Variants in MSLN observed in about 807,000 individuals in gnomAD.
MSLN encodes the protein mesothelin.
A neutral mutation model predicts 72.6 loss-of-function variants in MSLN; 82 were observed. The observed-to-expected ratio is 1.13, with a 90% CI of 0.94 to 1.36. The LOEUF is 1.36. Among genes scored for constraint, MSLN ranks in the 40% most tolerant of loss-of-function variants. MSLN has a pLI of 0.00. For synonymous variants in MSLN, 456 were observed against 387.3 expected (o/e 1.18, Z -2.08); for missense variants, 1,005 against 847.9 (o/e 1.19, Z -2.30).
rs371328406 is a variant in MSLN, at chr16:767,404, G to A, written c.1530G>A (p.Ala510=). The A allele has an allele frequency of 9.3e-6, 15 of 1,609,968 alleles. No individual in the cohort carries two copies. The highest frequency in any genetic ancestry group is 1.3e-5 in the African/African-American group (1 of 74,188). Residue 510 remains alanine (A), a synonymous_variant, in exon 16 of 18, where the codon GCG becomes GCA. Coordinates refer to ENST00000545450, the MANE Select transcript of MSLN (RefSeq NM_005823.6). ...GGGCCCCCACGGAGGATTTGAAGGC[G>A]CTCAGTCAGCAGAATGTGAGCATGG... is the stretch of plus-strand genomic sequence containing the variant. ...LGGAPTEDLK[A]LSQQNVSMDL...
Position 764,877 on chromosome 16 carries a change from C to T in MSLN, c.381-30C>T, listed in dbSNP as rs375538221. ...AGGGTGGGGACGGGTGTGATCAGTG[C>T]GGCCTGTCCCCAGCACCCTCTCTTC... On this transcript the variant is annotated intron_variant, in intron 7 of 17. Coordinates refer to ENST00000545450, the MANE Select transcript of MSLN (RefSeq NM_005823.6). 3.5e-5 allele frequency: 56 copies of T among 1,606,386 alleles called. 1 individual carries two copies. In the South Asian group the frequency reaches 3.7e-4, roughly 11 times the overall value.
At chr16:762,583 C>G in intron 2 of MSLN, 89 bp from the exon 3 acceptor site, 1 of 990,772 alleles carries the variant, frequency 1.0e-6, no homozygotes, top group Non-Finnish European at 1.6e-6. Flanking sequence ...CTGGGAGCCC[C>G]TCCTGGGCCC....
At chr16:763,731 G>T in intron 5 of MSLN, 40 bp downstream of exon 5, 2 of 974,534 alleles carry the variant, frequency 2.1e-6, no homozygotes. Context: ...GGTGAGGCTC[G>T]AGGGGCCCTC....
rs145273478 is a variant in MSLN at position 768,482 on chromosome 16, G to A, written c.1700G>A (p.Arg567Gln). The A allele has an allele frequency of 3.7e-3, 5,897 of 1,574,344 alleles. 21 individuals carry two copies. The highest frequency in any genetic ancestry group is 4.3e-3 in the Non-Finnish European group (4,944 of 1,157,480). Residue 567 changes from arginine (R) to glutamine (Q), a missense_variant, in exon 17 of 18, where the codon CGG becomes CAG. Physicochemically the swap from Arg to Gln is conservative, Grantham distance 43. Transcript: ENST00000545450. Reference sequence around the variant, plus strand: ...GTGCGGGACTGGATCCTACGGCAGCGGCAGGACGACCTGGACACGCTGGGG... The same window carrying A: ...GTGCGGGACTGGATCCTACGGCAGCAGCAGGACGACCTGGACACGCTGGGG... ...RPVRDWILRQ[R>Q]QDDLDTLGLG...
In MSLN at chr16:763,411, T is replaced by C. The variant is rs2041561435; in HGVS notation, c.129+135T>C. ...TTGCTTGCAAAGGGGCACCTGGACCTGCATGTGACTGGCCTGGGAGCAGCC... is the reference window on the plus strand; with the variant it reads ...TTGCTTGCAAAGGGGCACCTGGACCCGCATGTGACTGGCCTGGGAGCAGCC... On this transcript the variant is annotated intron_variant, in intron 4 of 17. Coordinates refer to ENST00000545450, the MANE Select transcript of MSLN (RefSeq NM_005823.6). 1.1e-5 allele frequency: 10 copies of C among 879,728 alleles called. No homozygotes were observed. In the South Asian group the frequency reaches 1.6e-4, roughly 14 times the overall value. The allele number at this position is 879,728 out of a possible 1,614,324, so 54.5% of individuals were successfully genotyped here.
At position 767,445 on chromosome 16, in the gene MSLN, T is replaced by C. The variant is rs754258311; in HGVS notation, c.1571T>C (p.Met524Thr). ...GTGAGCATGGACTTGGCCACGTTCA[T>C]GAAGCTGCGGACGGATGCGGTGCTG... ...QNVSMDLATF[M>T]KLRTDAVLPL... The change falls in exon 16 of 18, where the codon ATG becomes ACG. Residue 524 changes from methionine to threonine, a missense_variant. By Grantham distance (81) the Met-to-Thr change is moderately conservative. Coordinates refer to ENST00000545450, the MANE Select transcript of MSLN (RefSeq NM_005823.6). The C allele has an allele frequency of 4.5e-6, 7 of 1,555,916 alleles. No homozygotes were observed. Among genetic ancestry groups the C allele is most frequent in the South Asian group, 4.5e-5 (4 of 89,512 alleles).
At position 765,048 on chromosome 16, in the gene MSLN, G is replaced by A; in HGVS notation, c.510+12G>A. ...CTCTGGCCTGCTGGGTAGGGGCTGG[G>A]GCCAGCGCGGGGCGGAGAGGGCTCG... On this transcript the variant is annotated intron_variant, in intron 8 of 17. Transcript: ENST00000545450. 6.2e-7 allele frequency: 1 copy of A among 1,610,534 alleles called. No individual in the cohort carries two copies. The highest frequency in any genetic ancestry group is 1.1e-5 in the South Asian group (1 of 90,882).
Position 765,410 on chromosome 16 carries a change from C to T in MSLN, c.704+107C>T, listed in dbSNP as rs576199034. The T allele has an allele frequency of 7.8e-6, 11 of 1,415,318 alleles. No individual in the cohort carries two copies. In the South Asian group the frequency reaches 1.1e-4, roughly 14 times the overall value. 87.7% of individuals were successfully genotyped at this position (1,415,318 alleles called of 1,614,324 possible). ...AAGGCCCAGGGTCAGTCACCCCCGC[C>T]ACCACCCCTGCCAATGCCCCCAGCG... On this transcript the variant is annotated intron_variant, in intron 9 of 17. Transcript: ENST00000545450.
intron 15 of MSLN, 52 bp downstream of exon 15, chr16:767,064 G>A (rs2041625009): frequency 1.9e-6 from 3 of 1,609,164 alleles, no homozygotes; most frequent in Non-Finnish European, 2.5e-6. Flanking sequence ...GGGAAGCACA[G>A]ACTCCACTCG....
Position 762,426 on chromosome 16 carries a change from C to T in MSLN, c.-9-246C>T, listed in dbSNP as rs960071556. Reference sequence around the variant, plus strand: ...TGGGAGAGGGGTGGGCGCCAACTGACTCCTGGGCTGTCTGGGCTGGGGACC... The same window carrying T: ...TGGGAGAGGGGTGGGCGCCAACTGATTCCTGGGCTGTCTGGGCTGGGGACC... On this transcript the variant is annotated intron_variant, in intron 2 of 17. Coordinates refer to ENST00000545450, the MANE Select transcript of MSLN (RefSeq NM_005823.6). 22 of 533,124 alleles carry T rather than the reference C, an allele frequency of 4.1e-5. No homozygotes were observed. In the African/African-American group the frequency reaches 4.2e-4, roughly 10 times the overall value. The allele number at this position is 533,124 out of a possible 1,614,324, so 33.0% of individuals were successfully genotyped here. A position where few individuals can be genotyped will look rare whatever the true frequency, so the allele number is the denominator to read the frequency against.
At position 764,578 on chromosome 16, in the gene MSLN, C is replaced by G; in HGVS notation, c.301-69C>G. 2.2e-6 allele frequency: 3 copies of G among 1,344,432 alleles called. No homozygotes were observed. In the South Asian group the frequency reaches 3.5e-5, roughly 16 times the overall value. The allele number at this position is 1,344,432 out of a possible 1,614,324, so 83.3% of individuals were successfully genotyped here. A position where few individuals can be genotyped will look rare whatever the true frequency, so the allele number is the denominator to read the frequency against. ...GGTGTGTTGTGGTGGGCAGACTGGCCAGGCGACCCTGGCCCACCATGTGAG... is the reference window on the plus strand; with the variant it reads ...GGTGTGTTGTGGTGGGCAGACTGGCGAGGCGACCCTGGCCCACCATGTGAG... On this transcript the variant is annotated intron_variant, in intron 6 of 17. Transcript: ENST00000545450.
intron 16 of MSLN, 38 bp downstream of exon 16, chr16:767,508 CCCGTGGAGGAGGG>C: frequency 7.2e-7 from 1 of 1,391,176 alleles, no homozygotes. Flanking sequence ...GGAGGAGGGG[CCCGTGGAGGAGGG>C]GCGAGTGGGA....
In MSLN at chr16:763,058, G is replaced by C. The variant is rs537311023; in HGVS notation, c.86-175G>C. ...GCTCCCTGGTGGAGTCCCGACCCCT[G>C]TGCCTGGGGGACTGTGATGTCACGG... On this transcript the variant is annotated intron_variant, in intron 3 of 17. Transcript: ENST00000545450. Among the ~76,000 whole-genome samples, 4 of 152,270 alleles carry C rather than the reference G, an allele frequency of 2.6e-5. No individual in the cohort carries two copies. The East Asian group carries it at 7.7e-4, about 29-fold the overall frequency.
chr16:762,380 GC>G (rs977664978), intron 2 of MSLN: 1 of 438,406 alleles, frequency 2.3e-6, no homozygotes, highest in African/African-American at 2.1e-5. Context: ...TCTAAGCTCT[GC>G]TCACACTGCC....
Position 764,941 on chromosome 16 carries a change from C to T in MSLN, c.415C>T (p.Arg139Cys), listed in dbSNP as rs374476167. 3.0e-5 allele frequency: 48 copies of T among 1,612,214 alleles called. 1 individual carries two copies. The highest frequency in any genetic ancestry group is 3.3e-4 in the Middle Eastern group (2 of 6,082). ...GTTCTCGGGGCCCCAGGCCTGCACC[C>T]GTTTCTTCTCCCGCATCACGAAGGC... ...DAFSGPQACT[R>C]FFSRITKANV... Residue 139 changes from arginine to cysteine, a missense_variant, in exon 8 of 18, where the codon CGT (arginine) becomes TGT (cysteine). Coordinates refer to ENST00000545450, the MANE Select transcript of MSLN (RefSeq NM_005823.6).
At chr16:767,254 GCC>G in intron 15 of MSLN, 120 bp from the exon 16 acceptor site, 2 of 1,140,482 alleles carry the variant, frequency 1.8e-6, no homozygotes. Context: ...GCAAACCCAG[GCC>G]CTGGAATCCC....
chr16:768,347 C>T (rs1368019404), intron 16 of MSLN, 32 bp from the exon 17 acceptor site: 2 of 1,497,136 alleles, frequency 1.3e-6, no homozygotes, highest in Non-Finnish European at 1.8e-6. Flanking sequence ...GGAAGGAGAC[C>T]CTCCTTGATG....
rs375321372 is a variant in MSLN, at chr16:762,764, C to T, written c.84C>T (p.Leu28=). The T allele has an allele frequency of 8.1e-5, 128 of 1,585,892 alleles. No homozygotes were observed. Among genetic ancestry groups the T allele is most frequent in the East Asian group, 1.6e-4 (7 of 44,322 alleles). Residue 28 remains leucine (L), a splice_region_variant and synonymous_variant, in exon 3 of 18, where the codon CTC becomes CTT. Transcript: ENST00000545450. ...LGSLLFLLFS[L]GWVQPSRTLA... is the part of the protein sequence containing the mutation. Reference sequence around the variant, plus strand: ...GCCTCCTGTTCCTGCTCTTCAGCCTCGGTGCGTACTTGATGGGGCTGCTGG... The same window carrying T: ...GCCTCCTGTTCCTGCTCTTCAGCCTTGGTGCGTACTTGATGGGGCTGCTGG...
chr16:763,175 T>A, intron 3 of MSLN, 58 bp from the exon 4 acceptor site: 1 of 1,192,722 alleles, frequency 8.4e-7, no homozygotes, highest in African/African-American at 1.5e-5. Context: ...CTCCCCTGGG[T>A]CAGGGCACAG....
Sources: gnomAD v4.1 joint callset for allele counts (sites outside exome capture counted in the v4.1 genomes callset) on GRCh38, gnomAD v4.1.1 for gene constraint, MANE v1.5 for transcripts, NCBI Gene and HGNC (gene_info 2026-07-23, HGNC 2026-07-21) for gene names.